Variants in CCDC178 observed in about 807,000 individuals in gnomAD.
CCDC178 encodes coiled-coil domain containing 178.
CCDC178 carries 126 observed loss-of-function variants against 117.4 expected under a neutral mutation model. The observed-to-expected ratio is 1.07, with a 90% CI of 0.93 to 1.24. CCDC178 has a LOEUF of 1.24. Ranked by LOEUF, CCDC178 falls within the 50% of genes most tolerant of loss-of-function variation. CCDC178 has a pLI of 0.00. For synonymous variants in CCDC178, 283 were observed against 313.4 expected (o/e 0.90, Z 1.02); for missense variants, 1,030 against 986.9 (o/e 1.04, Z -0.59).
chr18:33,038,534 C>T (rs1479697249), intron 21 of CCDC178, among the ~76,000 whole-genome samples: 1 of 151,910 alleles, frequency 6.6e-6, no homozygotes, highest in Non-Finnish European at 1.5e-5. Context: ...TCCAAGTGAC[C>T]TCCTGTTGTA....
At position 33,161,202 on chromosome 18, in the gene CCDC178, A is replaced by G. The variant is rs370538426; in HGVS notation, c.2238+50694T>C. Among the ~76,000 whole-genome samples the G allele has an allele frequency of 1.3e-4, 20 of 152,252 alleles. No homozygotes were observed. The East Asian group carries it at 3.9e-3, about 29-fold the overall frequency. ...AATAGTGGAGTTAAATTATCTATAGACCTTGGAAAATCAAAGATCTGCTTA... is the reference window on the plus strand; with the variant it reads ...AATAGTGGAGTTAAATTATCTATAGGCCTTGGAAAATCAAAGATCTGCTTA... On this transcript the variant is annotated intron_variant, in intron 20 of 22. Coordinates refer to ENST00000383096, the MANE Select transcript of CCDC178 (RefSeq NM_001105528.4).
At chr18:32,993,707 C>A (rs1027091617) in intron 21 of CCDC178, among the ~76,000 whole-genome samples, 2 of 152,130 alleles carry the variant, frequency 1.3e-5, no homozygotes, top group African/African-American at 4.8e-5. Flanking sequence ...TGTGCTTTCT[C>A]TGCTGGATCA....
chr18:33,125,554 T>A (rs2057994946), intron 20 of CCDC178, among the ~76,000 whole-genome samples: 1 of 152,162 alleles, frequency 6.6e-6, no homozygotes, highest in African/African-American at 2.4e-5. Context: ...TTAAAGAAAA[T>A]GCAGAGTTTA....
chr18:33,239,095 A>G (rs942955773), intron 15 of CCDC178, among the ~76,000 whole-genome samples: 3 of 152,138 alleles, frequency 2.0e-5, no homozygotes, highest in African/African-American at 7.2e-5. Flanking sequence ...CATCACCACT[A>G]AATAGGCCTT....
At chr18:33,274,988 A>G (rs1215944258) in intron 12 of CCDC178, among the ~76,000 whole-genome samples, 2 of 152,046 alleles carry the variant, frequency 1.3e-5, no homozygotes, top group African/African-American at 4.8e-5. Flanking sequence ...TCCTTTCCTA[A>G]TATAAATGAT....
intron 3 of CCDC178, among the ~76,000 whole-genome samples, chr18:33,407,898 C>G (rs1217440235): frequency 6.6e-6 from 1 of 151,660 alleles, no homozygotes; most frequent in Non-Finnish European, 1.5e-5. Flanking sequence ...TAAAGAAGCA[C>G]TCTATAATTC....
At position 33,267,041 on chromosome 18, in the gene CCDC178, C is replaced by G. The variant is rs763435949; in HGVS notation, c.1284G>C (p.Trp428Cys). 6.3e-7 allele frequency: 1 copy of G among 1,583,422 alleles called. No individual in the cohort carries two copies. The highest frequency in any genetic ancestry group is 1.2e-5 in the South Asian group (1 of 84,660). ...TTGCAACATCAGAAAGCTCAATATC[C>G]CATGTTTTTTTCTTTAAGAAAAGAA... is the stretch of plus-strand genomic sequence containing the variant. ...VNDFYAAKKTWDIELSDVAKD... is the reference protein window; with the variant it reads ...VNDFYAAKKTCDIELSDVAKD... The change falls in exon 14 of 23, where the codon TGG (tryptophan) becomes TGC (cysteine). Residue 428 changes from tryptophan (W) to cysteine (C), a missense_variant. By Grantham distance (215) the Trp-to-Cys change is radical. Coordinates refer to ENST00000383096, the MANE Select transcript of CCDC178 (RefSeq NM_001105528.4).
rs1033335984 is a variant in CCDC178, at chr18:33,124,183, C to G, written c.2239-31273G>C. Among the ~76,000 whole-genome samples, 5 of 152,310 alleles carry G rather than the reference C, an allele frequency of 3.3e-5. No individual in the cohort carries two copies. The East Asian group carries it at 9.7e-4, about 29-fold the overall frequency. On this transcript the variant is annotated intron_variant, in intron 20 of 22. Transcript: ENST00000383096. ...TGGTGTCTGCAGTTTGCATTGTTTACTTTATCCTCCGTAAACTTCAGCCTT... is the reference window on the plus strand; with the variant it reads ...TGGTGTCTGCAGTTTGCATTGTTTAGTTTATCCTCCGTAAACTTCAGCCTT...
At chr18:33,434,773 T>C (rs1282044547) in intron 2 of CCDC178, among the ~76,000 whole-genome samples, 1 of 152,166 alleles carries the variant, frequency 6.6e-6, no homozygotes, top group African/African-American at 2.4e-5. Flanking sequence ...GGACGTGAAA[T>C]GATTCCCATC....
rs1256389561 is a variant in CCDC178 at position 32,944,405 on chromosome 18, T to TACTG, written c.2524-6318_2524-6315dup. On this transcript the variant is annotated intron_variant, in intron 22 of 22. Coordinates refer to ENST00000383096, the MANE Select transcript of CCDC178 (RefSeq NM_001105528.4). ...CAGATAGAAAATAGATGATGACAGA[T>TACTG]ACTGCACACCAAGATTATCTGCTGT... 2.6e-5 allele frequency among the ~76,000 whole-genome samples: 4 copies of TACTG among 152,308 alleles called. No individual in the cohort carries two copies. In the East Asian group the frequency reaches 5.8e-4, roughly 22 times the overall value.
At chr18:32,938,485 T>C (rs1002130275) in intron 22 of CCDC178, among the ~76,000 whole-genome samples, 3 of 152,138 alleles carry the variant, frequency 2.0e-5, no homozygotes, top group South Asian at 4.1e-4. Flanking sequence ...CTTCTGTTCA[T>C]AGTGCTTCAA....
chr18:33,363,678 T>C (rs891071821), intron 6 of CCDC178, among the ~76,000 whole-genome samples: 3 of 152,060 alleles, frequency 2.0e-5, no homozygotes, highest in African/African-American at 7.2e-5. Context: ...GCAGGAGCAG[T>C]ATTTGACTTT....
intron 20 of CCDC178, among the ~76,000 whole-genome samples, chr18:33,148,943 A>T (rs1278209853): frequency 6.6e-6 from 1 of 152,192 alleles, no homozygotes; most frequent in Admixed American, 6.5e-5. Context: ...GGCTATTCCC[A>T]GCCCCCTTGC....
chr18:32,962,352 C>T (rs1195263116), intron 22 of CCDC178, among the ~76,000 whole-genome samples: 3 of 152,022 alleles, frequency 2.0e-5, no homozygotes, highest in South Asian at 2.1e-4. Flanking sequence ...AGCTATTCTT[C>T]TTCCTTCCTT....
At chr18:33,006,133 A>C (rs1040833367) in intron 21 of CCDC178, among the ~76,000 whole-genome samples, 5 of 152,094 alleles carry the variant, frequency 3.3e-5, no homozygotes, top group Non-Finnish European at 5.9e-5. Flanking sequence ...GATCTTTAGA[A>C]TAAAATTGTT....
In CCDC178 at chr18:33,151,185, C is replaced by T. The variant is rs146301510; in HGVS notation, c.2239-58275G>A. 2.6e-3 allele frequency among the ~76,000 whole-genome samples: 398 copies of T among 152,060 alleles called. 1 individual carries two copies. Among genetic ancestry groups the T allele is most frequent in the African/African-American group, 9.0e-3 (373 of 41,472 alleles). ...TGGAGCACCAAATCTCAGAAATCAC[C>T]ACCAAAGAACTTATCCATGTAACAA... On this transcript the variant is annotated intron_variant, in intron 20 of 22. Coordinates refer to ENST00000383096, the MANE Select transcript of CCDC178 (RefSeq NM_001105528.4).
intron 20 of CCDC178, among the ~76,000 whole-genome samples, chr18:33,107,858 G>A (rs1331143053): frequency 6.6e-6 from 1 of 151,682 alleles, no homozygotes; most frequent in African/African-American, 2.4e-5. Flanking sequence ...GTTTCTTTGT[G>A]TGTTAGCATT....
chr18:33,409,122 G>A (rs2063818510), intron 3 of CCDC178, among the ~76,000 whole-genome samples: 1 of 152,046 alleles, frequency 6.6e-6, no homozygotes, highest in Non-Finnish European at 1.5e-5. Flanking sequence ...TTTGAGACAG[G>A]GTCTTGCTCT....
chr18:33,143,838 C>A (rs1403656771), intron 20 of CCDC178, among the ~76,000 whole-genome samples: 1 of 152,084 alleles, frequency 6.6e-6, no homozygotes, highest in Non-Finnish European at 1.5e-5. Context: ...ATAGAAAAAT[C>A]TACCACATAT....
Sources: allele counts gnomAD v4.1 joint callset (sites outside exome capture counted in the v4.1 genomes callset), GRCh38; gene constraint gnomAD v4.1.1; transcripts MANE v1.5; gene names NCBI Gene and HGNC (gene_info 2026-07-23, HGNC 2026-07-21).